Variants in CES4A observed in about 807,000 individuals in gnomAD.
CES4A encodes the protein carboxylesterase 6.
CES4A carries 48 observed loss-of-function variants against 65.4 expected under a neutral mutation model. The ratio of observed to expected loss-of-function variants is 0.73; its 90% CI spans 0.58 to 0.93. The LOEUF (loss-of-function observed/expected upper bound fraction) is 0.93. Among genes scored for constraint, CES4A ranks in the 40% least tolerant of loss-of-function variants. The pLI, the probability that CES4A is intolerant of heterozygous loss-of-function variation, is 0.00. For missense variants in CES4A, 685 were observed against 728.5 expected (o/e 0.94, Z 0.69); for synonymous variants, 247 against 281.8 (o/e 0.88, Z 1.24).
rs1400524105 is a variant in CES4A, at chr16:67,003,746, G to A, written c.939+193G>A. 6.6e-6 allele frequency among the ~76,000 whole-genome samples: 1 copy of A among 152,176 alleles called. No homozygotes were observed. The highest frequency in any genetic ancestry group is 2.4e-5 in the African/African-American group (1 of 41,434). ...TTAGAAGGTGATAGGTGAATAGCAA[G>A]GAATGGAGAGGGTAAAGGGGTTGGA... On this transcript the variant is annotated intron_variant, in intron 8 of 13. Coordinates refer to ENST00000648724, the Ensembl canonical transcript of CES4A. The surrounding 1 kb of genome is among the most constrained non-coding windows in gnomAD (Gnocchi z 4.2).
rs1363237313 is a variant in CES4A, at chr16:67,000,601, TC to T, written c.261-36del. ...CACTGCGGACCCTGGATTGAAACGATCTCCCCGCGGCCGCCGCCGCTACCTG... is the reference window on the plus strand; with the variant it reads ...CACTGCGGACCCTGGATTGAAACGATTCCCCGCGGCCGCCGCCGCTACCTG... On this transcript the variant is annotated intron_variant, in intron 2 of 13. Transcript: ENST00000648724. The surrounding 1 kb of genome is among the most constrained non-coding windows in gnomAD (Gnocchi z 4.2). 6.6e-7 allele frequency: 1 copy of T among 1,523,268 alleles called. No homozygotes were observed. The highest frequency in any genetic ancestry group is 1.2e-5 in the South Asian group (1 of 82,476). The allele number at this position is 1,523,268 out of a possible 1,614,324, so 94.4% of individuals were successfully genotyped here. A position where few individuals can be genotyped will look rare whatever the true frequency, so the allele number is the denominator to read the frequency against.
chr16:66,990,597 G>A (rs1282885248), intron 1 of CES4A, among the ~76,000 whole-genome samples: 1 of 152,040 alleles, frequency 6.6e-6, no homozygotes, highest in Non-Finnish European at 1.5e-5. Context: ...TGCTCGAGAG[G>A]CTGAAGTGAG....
intron 10 of CES4A, 83 bp from the exon 11 acceptor site, chr16:67,005,157 G>A (rs762736942): frequency 3.8e-5 from 54 of 1,427,726 alleles, no homozygotes; most frequent in Non-Finnish European, 5.1e-5. Context: ...CTGGGGGGCT[G>A]AGCATGGATC....
At chr16:67,004,042 G>C (rs1008464725) in intron 8 of CES4A, 42 bp from the exon 9 acceptor site, 1 of 1,610,186 alleles carries the variant, frequency 6.2e-7, no homozygotes, top group Admixed American at 1.7e-5. Context: ...ACCCTGGGAG[G>C]ATACTTGAGG....
rs867274498 is a variant in CES4A, at chr16:67,001,698, A to C, written c.690+237A>C. ...GAAGGGTAGTGCTGAGGCTTGGGGT[A>C]ATCAGTGAATCCAGGTGCTACCCAG... On this transcript the variant is annotated intron_variant, in intron 5 of 13. Transcript: ENST00000648724. The surrounding 1 kb of genome is among the most constrained non-coding windows in gnomAD (Gnocchi z 4.1). Among the ~76,000 whole-genome samples the C allele has an allele frequency of 6.6e-6, 1 of 152,246 alleles. No homozygotes were observed. Among genetic ancestry groups the C allele is most frequent in the South Asian group, 2.1e-4 (1 of 4,834 alleles).
intron 2 of CES4A, among the ~76,000 whole-genome samples, chr16:66,996,656 C>T (rs758691933): frequency 2.6e-5 from 4 of 152,180 alleles, no homozygotes; most frequent in Admixed American, 6.5e-5. Flanking sequence ...TAACAATGCT[C>T]AGCATCAGTT....
downstream of CES4A, among the ~76,000 whole-genome samples, chr16:67,010,326 G>A (rs1022152891): frequency 6.6e-6 from 1 of 151,750 alleles, no homozygotes; most frequent in African/African-American, 2.4e-5. Flanking sequence ...TCAGCCTGCT[G>A]AAGTGCTGGA....
chr16:67,006,469 C>T, exon 12 of CES4A: 1 of 1,536,590 alleles, frequency 6.5e-7, no homozygotes, highest in Non-Finnish European at 8.7e-7. Flanking sequence ...ACTGATGGGG[C>T]AGACCATGGG....
chr16:67,008,490 T>A (rs958368033), intron 13 of CES4A: 4 of 155,092 alleles, frequency 2.6e-5, no homozygotes, highest in African/African-American at 9.7e-5. Flanking sequence ...AATCTCCACC[T>A]CCCAGGTTCA....
exon 1 of CES4A, chr16:66,988,770 A>G: frequency 6.4e-7 from 1 of 1,562,954 alleles, no homozygotes; most frequent in Non-Finnish European, 8.7e-7. Context: ...AGCTGGCTGG[A>G]GCATGAGGTG....
intron 1 of CES4A, among the ~76,000 whole-genome samples, chr16:66,994,613 G>A (rs905421083): frequency 7.9e-5 from 12 of 151,536 alleles, no homozygotes; most frequent in Non-Finnish European, 1.3e-4. Context: ...AGGCCAAGGC[G>A]GGCGGATCAC....
chr16:67,009,768 G>A (rs1035275659), downstream of CES4A: 2 of 152,362 alleles, frequency 1.3e-5, no homozygotes, highest in African/African-American at 4.8e-5. Context: ...ATGGGTGTGT[G>A]AAGTGAATGA....
intron 1 of CES4A, among the ~76,000 whole-genome samples, chr16:66,990,600 G>GA (rs1964312062): frequency 6.6e-6 from 1 of 152,096 alleles, no homozygotes; most frequent in Non-Finnish European, 1.5e-5. Flanking sequence ...TCGAGAGGCT[G>GA]AAGTGAGAGG....
Position 67,006,292 on chromosome 16 carries a change from CTT to C in CES4A, c.1316-95_1316-94del. ...CCCCCTTGATTCTGAAGCCAAAGCT[CTT>C]TTTCCTGCTTGGTGCAGGTGAGTGG... On this transcript the variant is annotated intron_variant, in intron 11 of 13. Transcript: ENST00000648724. 2.9e-6 allele frequency: 4 copies of C among 1,357,332 alleles called. No homozygotes were observed. The South Asian group carries it at 5.4e-5, about 18-fold the overall frequency. The allele number at this position is 1,357,332 out of a possible 1,614,324, so 84.1% of individuals were successfully genotyped here.
intron 12 of CES4A, 64 bp downstream of exon 12, chr16:67,006,583 A>C (rs1597099836): frequency 6.4e-7 from 1 of 1,565,330 alleles, no homozygotes; most frequent in Non-Finnish European, 8.6e-7. Flanking sequence ...ATGCAGACCC[A>C]CCCCTCCATT....
At chr16:66,998,992 G>T (rs1302327654) in intron 2 of CES4A, among the ~76,000 whole-genome samples, 2 of 152,248 alleles carry the variant, frequency 1.3e-5, no homozygotes, top group Non-Finnish European at 2.9e-5. Context: ...ACCATGGCAG[G>T]ATGGCTCTGA....
At chr16:66,991,142 A>G (rs1964358504) in intron 1 of CES4A, among the ~76,000 whole-genome samples, 1 of 152,080 alleles carries the variant, frequency 6.6e-6, no homozygotes. Context: ...CTCCTATCTC[A>G]GCCTCCCGAG....
intron 2 of CES4A, chr16:66,996,326 C>T (rs990624605): frequency 3.0e-5 from 9 of 298,588 alleles, no homozygotes; most frequent in East Asian, 2.1e-4. Context: ...TGAGCCACTG[C>T]GCCTAGACTT....
intron 11 of CES4A, 33 bp downstream of exon 11, chr16:67,005,426 C>A: frequency 6.2e-7 from 1 of 1,605,650 alleles, no homozygotes; most frequent in Non-Finnish European, 8.5e-7. Context: ...GCCACACTGG[C>A]CCCGTCCACT....
Sources: allele counts gnomAD v4.1 joint callset (sites outside exome capture counted in the v4.1 genomes callset), GRCh38; gene constraint gnomAD v4.1.1; non-coding constraint Gnocchi (gnomAD v3.1); transcripts MANE v1.5; gene names NCBI Gene and HGNC (gene_info 2026-07-23, HGNC 2026-07-21).